RALGAPA2: variants seen among roughly 807,000 people sequenced by gnomAD.
The protein encoded by RALGAPA2 is ral GTPase-activating protein subunit alpha-2.
A neutral mutation model predicts 230.4 loss-of-function variants in RALGAPA2; 139 were observed. That is an observed-to-expected ratio of 0.60 (90% CI 0.53 to 0.69). The LOEUF (loss-of-function observed/expected upper bound fraction) is 0.69, where lower values mean the gene tolerates loss of function less well. RALGAPA2 is among the 30% of genes least tolerant of loss of function. The pLI is 0.00. For missense variants in RALGAPA2, 2,163 were observed against 2,276.0 expected (o/e 0.95, Z 1.01); for synonymous variants, 847 against 837.8 (o/e 1.01, Z -0.19).
chr20:20,622,782 T>C (rs758776081), intron 10 of RALGAPA2, among the ~76,000 whole-genome samples: 1 of 151,918 alleles, frequency 6.6e-6, no homozygotes, highest in Non-Finnish European at 1.5e-5. Context: ...TAAATCTAAA[T>C]GAACAAAACA....
chr20:20,505,118 G>T (rs1039543989), intron 34 of RALGAPA2: 2 of 985,212 alleles, frequency 2.0e-6, no homozygotes, highest in African/African-American at 3.5e-5. Flanking sequence ...GCCCACATTT[G>T]TCTTCTCTTA....
rs1055459162 is a variant in RALGAPA2, at chr20:20,562,734, G to A, written c.3156+8724C>T. Among the ~76,000 whole-genome samples the A allele has an allele frequency of 5.3e-5, 8 of 152,154 alleles. No homozygotes were observed. In the South Asian group the frequency reaches 1.7e-3, roughly 32 times the overall value. ...TGCACATGTGTTAAACCTCATAACCGAAACCTCTGCCATCTGTTACCTCCT... is the reference window on the plus strand; with the variant it reads ...TGCACATGTGTTAAACCTCATAACCAAAACCTCTGCCATCTGTTACCTCCT... On this transcript the variant is annotated intron_variant, in intron 23 of 39. Coordinates refer to ENST00000202677, the MANE Select transcript of RALGAPA2 (RefSeq NM_020343.4).
intron 37 of RALGAPA2, among the ~76,000 whole-genome samples, chr20:20,417,144 G>C (rs1420253307): frequency 1.3e-5 from 2 of 152,202 alleles, no homozygotes; most frequent in Non-Finnish European, 2.9e-5. Flanking sequence ...GCGCCCCCGA[G>C]TTCTGCTGCC....
At chr20:20,489,678 TCTTTC>T (rs2062001895) in intron 36 of RALGAPA2, among the ~76,000 whole-genome samples, 1 of 152,178 alleles carries the variant, frequency 6.6e-6, no homozygotes, top group African/African-American at 2.4e-5. Context: ...CAATGAGCGC[TCTTTC>T]CTTTTCACAG....
At position 20,620,654 on chromosome 20, in the gene RALGAPA2, C is replaced by T. The variant is rs141090522; in HGVS notation, c.1234-24G>A. ...GCCTGAAAGGAAAAGAGAAAACTCC[C>T]TTTAACTACAAACACACTCAGATCA... On this transcript the variant is annotated intron_variant, in intron 10 of 39. Transcript: ENST00000202677. 6.2e-4 allele frequency: 979 copies of T among 1,581,702 alleles called. 9 individuals carry two copies. The East Asian group carries it at 0.021, about 34-fold the overall frequency.
chr20:20,573,003 G>C lies in RALGAPA2; in HGVS notation c.2773C>G (p.Pro925Ala). ...IAGGSLTGWHPDSAAVLWRRV... is the reference protein window; with the variant it reads ...IAGGSLTGWHADSAAVLWRRV... ...CGCCATAACACAGCAGCAGAGTCTG[G>C]GTGCCAACCAGTGAGGCTCCCCCCG... The change falls in exon 21 of 40, where the codon CCA becomes GCA. Residue 925 changes from proline to alanine, a missense_variant. By Grantham distance (27) the Pro-to-Ala change is conservative. Coordinates refer to ENST00000202677, the MANE Select transcript of RALGAPA2 (RefSeq NM_020343.4). 1.9e-6 allele frequency: 3 copies of C among 1,610,602 alleles called. No individual in the cohort carries two copies. The highest frequency in any genetic ancestry group is 2.2e-5 in the South Asian group (2 of 90,188).
intron 37 of RALGAPA2, among the ~76,000 whole-genome samples, chr20:20,427,152 A>G (rs1204318280): frequency 1.3e-5 from 2 of 152,124 alleles, no homozygotes; most frequent in Non-Finnish European, 2.9e-5. Context: ...AGTTCCATCT[A>G]CTCACTGCTG....
At chr20:20,589,616 C>A (rs1337381476) in intron 17 of RALGAPA2, among the ~76,000 whole-genome samples, 1 of 151,838 alleles carries the variant, frequency 6.6e-6, no homozygotes, top group African/African-American at 2.4e-5. Context: ...GTTCACTTAG[C>A]GCATTTATGT....
intron 31 of RALGAPA2, among the ~76,000 whole-genome samples, chr20:20,520,194 T>C (rs777332801): frequency 6.6e-6 from 1 of 152,194 alleles, no homozygotes; most frequent in Non-Finnish European, 1.5e-5. Context: ...ACATTGATAA[T>C]AATCCATCTA....
At chr20:20,547,462 A>G (rs1416620830) in intron 23 of RALGAPA2, among the ~76,000 whole-genome samples, 2 of 152,212 alleles carry the variant, frequency 1.3e-5, no homozygotes, top group Non-Finnish European at 2.9e-5. Context: ...TCTGCCCCAG[A>G]CATCTTGTGT....
chr20:20,590,175 TAC>T (rs980922913), intron 17 of RALGAPA2, among the ~76,000 whole-genome samples: 55 of 152,212 alleles, frequency 3.6e-4, no homozygotes, highest in African/African-American at 1.3e-3. Context: ...TGTTACAAAT[TAC>T]AGTCACCATA....
In RALGAPA2 at chr20:20,418,937, G is replaced by A. The variant is rs143852339; in HGVS notation, c.5496-6789C>T. ...AAATATTTTCTAGCAATGAGGTCTCGCTATGTTGCCTAGGCTGGTCTTGAA... is the reference window on the plus strand; with the variant it reads ...AAATATTTTCTAGCAATGAGGTCTCACTATGTTGCCTAGGCTGGTCTTGAA... On this transcript the variant is annotated intron_variant, in intron 37 of 39. Coordinates refer to ENST00000202677, the MANE Select transcript of RALGAPA2 (RefSeq NM_020343.4). Among the ~76,000 whole-genome samples the A allele has an allele frequency of 2.1e-3, 316 of 152,126 alleles. 1 individual carries two copies. The highest frequency in any genetic ancestry group is 7.2e-3 in the African/African-American group (298 of 41,490).
At chr20:20,478,750 T>C (rs1266892025) in intron 36 of RALGAPA2, among the ~76,000 whole-genome samples, 2 of 152,052 alleles carry the variant, frequency 1.3e-5, no homozygotes, top group East Asian at 1.9e-4. Context: ...ATTGGGTAGT[T>C]AGTACTAAGC....
At chr20:20,505,326 C>T in intron 34 of RALGAPA2, 85 bp downstream of exon 34, 1 of 1,315,300 alleles carries the variant, frequency 7.6e-7, no homozygotes. Flanking sequence ...TGCAAAAGCA[C>T]ATGTAAAAAC....
chr20:20,444,405 G>T (rs1258436504), intron 37 of RALGAPA2, among the ~76,000 whole-genome samples: 1 of 151,978 alleles, frequency 6.6e-6, no homozygotes. Context: ...AATTTGAGGA[G>T]ATCTTACTTA....
At chr20:20,484,586 T>C (rs1179225531) in intron 36 of RALGAPA2, among the ~76,000 whole-genome samples, 1 of 152,198 alleles carries the variant, frequency 6.6e-6, no homozygotes, top group Non-Finnish European at 1.5e-5. Context: ...TCTCCATGAA[T>C]ATATTTTAAA....
At position 20,432,031 on chromosome 20, in the gene RALGAPA2, T is replaced by G. The variant is rs151276101; in HGVS notation, c.5496-19883A>C. 2.2e-3 allele frequency among the ~76,000 whole-genome samples: 336 copies of G among 152,264 alleles called. 2 individuals are homozygous for G. Among genetic ancestry groups the G allele is most frequent in the African/African-American group, 7.8e-3 (324 of 41,540 alleles). ...CAGTTAACTTGTAACTAATAATAAATTATATTTTGGTCATTAAAGTCATGT... is the reference window on the plus strand; with the variant it reads ...CAGTTAACTTGTAACTAATAATAAAGTATATTTTGGTCATTAAAGTCATGT... On this transcript the variant is annotated intron_variant, in intron 37 of 39. Coordinates refer to ENST00000202677, the MANE Select transcript of RALGAPA2 (RefSeq NM_020343.4).
intron 36 of RALGAPA2, among the ~76,000 whole-genome samples, chr20:20,490,954 A>G (rs924556056): frequency 2.0e-5 from 3 of 151,688 alleles, no homozygotes; most frequent in Admixed American, 1.3e-4. Flanking sequence ...GACTACTTCC[A>G]TGACGCTCTG....
rs150970404 is a variant in RALGAPA2 at position 20,620,409 on chromosome 20, T to C, written c.1401+54A>G. 560 of 1,563,480 alleles carry C rather than the reference T, an allele frequency of 3.6e-4. 2 individuals are homozygous for C. In the African/African-American group the frequency reaches 6.4e-3, roughly 18 times the overall value. ...GACAAGACTCTTGACTGAGCAAGTA[T>C]ACTTTACTAAAATATATTTACCCTC... On this transcript the variant is annotated intron_variant, in intron 11 of 39. Transcript: ENST00000202677.
Sources: allele counts gnomAD v4.1 joint callset (sites outside exome capture counted in the v4.1 genomes callset), GRCh38; gene constraint gnomAD v4.1.1; transcripts MANE v1.5; gene names NCBI Gene and HGNC (gene_info 2026-07-23, HGNC 2026-07-21).